UNC13C: variants seen among roughly 807,000 people sequenced by gnomAD.
The protein encoded by UNC13C is protein unc-13 homolog C.
UNC13C carries 174 observed loss-of-function variants against 245.4 expected under a neutral mutation model. The ratio of observed to expected loss-of-function variants is 0.71; its 90% CI spans 0.63 to 0.80. UNC13C has a LOEUF of 0.80. UNC13C is among the 30% of genes least tolerant of loss of function. The pLI, the probability that UNC13C is intolerant of heterozygous loss-of-function variation, is 0.00. For synonymous variants in UNC13C, 992 were observed against 895.1 expected, an observed-to-expected ratio of 1.11 and a Z score of -1.93; for missense variants, 2,829 against 2,602.9, an observed-to-expected ratio of 1.09 and a Z score of -1.89.
intron 19 of UNC13C, among the ~76,000 whole-genome samples, chr15:54,476,562 G>A (rs1220946575): frequency 1.3e-5 from 2 of 151,542 alleles, no homozygotes; most frequent in African/African-American, 4.8e-5. Context: ...TTATTAAATA[G>A]GGAATGCTTT....
the UNC13C span, among the ~76,000 whole-genome samples, chr15:53,861,397 A>G: frequency 1.3e-5 from 2 of 152,236 alleles, no homozygotes; most frequent in Non-Finnish European, 2.9e-5. Flanking sequence ...CATCTGAAAC[A>G]TAAAATGACT....
Position 54,627,166 on chromosome 15 carries a change from A to C in UNC13C, c.*53A>C, listed in dbSNP as rs1214271278. Reference sequence around the variant, plus strand: ...CTATAATTGTTTGACTACTGCATGCATGTGCAAATACATGGGAATGTTTAG... The same window carrying C: ...CTATAATTGTTTGACTACTGCATGCCTGTGCAAATACATGGGAATGTTTAG... On this transcript the variant is annotated 3_prime_UTR_variant, in exon 33 of 33. Transcript: ENST00000260323. 5 of 1,502,990 alleles carry C rather than the reference A, an allele frequency of 3.3e-6. No homozygotes were observed. The highest frequency in any genetic ancestry group is 1.4e-5 in the African/African-American group (1 of 72,302). The allele number at this position is 1,502,990 out of a possible 1,614,324, so 93.1% of individuals were successfully genotyped here.
rs190604147 is a variant in UNC13C, at chr15:54,050,051, C to A, written c.2983+34165C>A. On this transcript the variant is annotated intron_variant, in intron 2 of 32. Transcript: ENST00000260323. ...GTGGCGTGACCTCGGCTCACTGCAA[C>A]CTCCGCCTCCCAGGTTCAAGCAATT... 5.6e-3 allele frequency: 1,711 copies of A among 304,824 alleles called. 35 individuals carry two copies. The highest frequency in any genetic ancestry group is 0.036 in the African/African-American group (1,633 of 45,118). The allele number at this position is 304,824 out of a possible 1,614,324, so 18.9% of individuals were successfully genotyped here. A position where few individuals can be genotyped will look rare whatever the true frequency, so the allele number is the denominator to read the frequency against.
rs1246982047 is a variant in UNC13C, at chr15:54,038,120, A to ATTTTTTTTTTTTTTT, written c.2983+22235_2983+22236insTTTTTTTTTTTTTTT. Reference sequence around the variant, plus strand: ...TATACATATATATATATATATATATATATATTTTTTTTTTTTTTTTCCTGA... The same window carrying ATTTTTTTTTTTTTTT: ...TATACATATATATATATATATATATATTTTTTTTTTTTTTTTATATTTTTTTTTTTTTTTTCCTGA... On this transcript the variant is annotated intron_variant, in intron 2 of 32. Transcript: ENST00000260323. Among the ~76,000 whole-genome samples, 39 of 45,194 alleles carry ATTTTTTTTTTTTTTT rather than the reference A, an allele frequency of 8.6e-4. 2 individuals are homozygous for ATTTTTTTTTTTTTTT. Among genetic ancestry groups the ATTTTTTTTTTTTTTT allele is most frequent in the African/African-American group, 2.4e-3 (23 of 9,592 alleles). 29.6% of individuals were successfully genotyped at this position (45,194 alleles called of 152,430 possible).
Position 54,255,376 on chromosome 15 carries a change from C to G in UNC13C, c.3448+4932C>G, listed in dbSNP as rs532136261. The stretch of plus-strand genomic sequence containing the variant: ...GAAATGGTTTTCCCTGGAGTCAGGC[C>G]GCTTGGAGGCCCAGGCTGTCCTCTG... On this transcript the variant is annotated intron_variant, in intron 8 of 32. Coordinates refer to ENST00000260323, the MANE Select transcript of UNC13C (RefSeq NM_001080534.3). Among the ~76,000 whole-genome samples the G allele has an allele frequency of 2.3e-3, 356 of 152,198 alleles. 1 individual carries two copies. The highest frequency in any genetic ancestry group is 3.6e-3 in the Non-Finnish European group (246 of 68,022).
chr15:54,466,042 A>G (rs1312267395), intron 19 of UNC13C, among the ~76,000 whole-genome samples: 2 of 152,036 alleles, frequency 1.3e-5, no homozygotes, highest in Non-Finnish European at 2.9e-5. Flanking sequence ...ATGCAGCAAC[A>G]TGGACGGAAC....
chr15:54,015,105 G>C lies in UNC13C; in HGVS notation c.2202G>C (p.Trp734Cys). Reference sequence around the variant, plus strand: ...TGGATAATGAACCACAAGGCCAGTGGGTTGGCCAATATGATTCTTATCAGG... The same window carrying C: ...TGGATAATGAACCACAAGGCCAGTGCGTTGGCCAATATGATTCTTATCAGG... ...PGLDNEPQGQ[W>C]VGQYDSYQGA... Residue 734 changes from tryptophan (W) to cysteine (C), a missense_variant, in exon 2 of 33, where the codon TGG becomes TGC. By Grantham distance (215) the Trp-to-Cys change is radical. Coordinates refer to ENST00000260323, the MANE Select transcript of UNC13C (RefSeq NM_001080534.3). 6.2e-7 allele frequency: 1 copy of C among 1,612,618 alleles called. No individual in the cohort carries two copies. Among genetic ancestry groups the C allele is most frequent in the Non-Finnish European group, 8.5e-7 (1 of 1,179,386 alleles).
chr15:54,308,340 C>G (rs1460509969), intron 13 of UNC13C, among the ~76,000 whole-genome samples: 1 of 151,676 alleles, frequency 6.6e-6, no homozygotes, highest in Non-Finnish European at 1.5e-5. Flanking sequence ...CAAAAACTTG[C>G]CAGTAACTAT....
At chr15:53,853,969 C>A in the UNC13C span, among the ~76,000 whole-genome samples, 4 of 152,012 alleles carry the variant, frequency 2.6e-5, no homozygotes, top group Admixed American at 6.6e-5. Context: ...ATTATAGTTT[C>A]TTTTGCTGTG....
intron 19 of UNC13C, among the ~76,000 whole-genome samples, chr15:54,434,251 C>T (rs190610366): frequency 1.8e-3 from 275 of 151,686 alleles, no homozygotes; most frequent in African/African-American, 6.3e-3. Flanking sequence ...TCATATGGAA[C>T]AACAACAAAA....
At chr15:53,893,707 G>T in the UNC13C span, among the ~76,000 whole-genome samples, 1 of 151,818 alleles carries the variant, frequency 6.6e-6, no homozygotes, top group Non-Finnish European at 1.5e-5. Flanking sequence ...CCCCCACCAA[G>T]CTCAAGCATC....
At chr15:54,374,893 G>A (rs903280629) in intron 17 of UNC13C, among the ~76,000 whole-genome samples, 1 of 152,232 alleles carries the variant, frequency 6.6e-6, no homozygotes, top group African/African-American at 2.4e-5. Context: ...ATTCTGAGCA[G>A]ATCACTGCAG....
chr15:54,430,008 T>C (rs2040840472), intron 19 of UNC13C, among the ~76,000 whole-genome samples: 1 of 151,692 alleles, frequency 6.6e-6, no homozygotes, highest in African/African-American at 2.4e-5. Flanking sequence ...TATGCCAATT[T>C]GAGGGTGGGA....
chr15:54,282,106 A>C (rs558533118), intron 10 of UNC13C, among the ~76,000 whole-genome samples: 1 of 152,234 alleles, frequency 6.6e-6, no homozygotes, highest in Admixed American at 6.5e-5. Context: ...TATTATGAAT[A>C]ATGTTGCTTG....
rs67499561 is a variant in UNC13C at position 54,108,793 on chromosome 15, AT to A, written c.2984-34222del. ...GAGGTGGAGGCATACAGTAAGCCAA[AT>A]TTCTCTCTCTTGGTTGATTTCATGA... On this transcript the variant is annotated intron_variant, in intron 2 of 32. Transcript: ENST00000260323. 8.0e-3 allele frequency among the ~76,000 whole-genome samples: 1,211 copies of A among 152,248 alleles called. 15 individuals carry two copies. Among genetic ancestry groups the A allele is most frequent in the African/African-American group, 0.028 (1,159 of 41,556 alleles).
chr15:54,101,175 C>T (rs1254651694), intron 2 of UNC13C, among the ~76,000 whole-genome samples: 2 of 151,952 alleles, frequency 1.3e-5, no homozygotes, highest in Admixed American at 6.6e-5. Context: ...ACTCTAATAT[C>T]TGGATAACCT....
chr15:54,139,391 C>T (rs1406857512), intron 2 of UNC13C, among the ~76,000 whole-genome samples: 2 of 152,062 alleles, frequency 1.3e-5, no homozygotes, highest in Non-Finnish European at 2.9e-5. Flanking sequence ...ATGTACCAGA[C>T]GTTAGGACTT....
chr15:54,201,095 C>A (rs534530651), intron 4 of UNC13C, among the ~76,000 whole-genome samples: 1 of 152,056 alleles, frequency 6.6e-6, no homozygotes, highest in East Asian at 1.9e-4. Context: ...AAATATACAA[C>A]CCTCCTAGAT....
intron 13 of UNC13C, among the ~76,000 whole-genome samples, chr15:54,312,746 G>A (rs1418554837): frequency 1.3e-5 from 2 of 151,754 alleles, no homozygotes; most frequent in Admixed American, 6.6e-5. Context: ...GGGATTGATA[G>A]CCTTGCTTGG....
Sources: gnomAD v4.1 joint callset for allele counts (sites outside exome capture counted in the v4.1 genomes callset) on GRCh38, gnomAD v4.1.1 for gene constraint, MANE v1.5 for transcripts, NCBI Gene and HGNC (gene_info 2026-07-23, HGNC 2026-07-21) for gene names.